Variants in NCAM1 observed in about 807,000 individuals in gnomAD.
The protein encoded by NCAM1 is neural cell adhesion molecule 1, also known as antigen recognized by monoclonal antibody 5.1H11.
NCAM1 carries 14 observed loss-of-function variants against 109.8 expected under a neutral mutation model. The ratio of observed to expected loss-of-function variants is 0.13; its 90% CI spans 0.08 to 0.20. NCAM1 has a LOEUF of 0.20. NCAM1 is among the 10% of genes least tolerant of loss of function. NCAM1 has a pLI of 1.00. For synonymous variants in NCAM1, 418 were observed against 442.9 expected (o/e 0.94, Z 0.70); for missense variants, 774 against 1,109.9 (o/e 0.70, Z 4.30).
intron 15 of NCAM1, among the ~76,000 whole-genome samples, chr11:113,252,797 A>G (rs1379836181): frequency 3.0e-5 from 2 of 67,462 alleles, no homozygotes; most frequent in Non-Finnish European, 3.3e-5. Context: ...CACTATGCCC[A>G]GCTTTTTTTT....
At chr11:113,174,071 A>G (rs1555106673) in intron 1 of NCAM1, among the ~76,000 whole-genome samples, 2 of 152,240 alleles carry the variant, frequency 1.3e-5, no homozygotes, top group Non-Finnish European at 2.9e-5. Context: ...TTAACTAGAC[A>G]ATAGATTTGT....
chr11:113,183,495 T>A (rs1196187468), intron 1 of NCAM1, among the ~76,000 whole-genome samples: 2 of 152,234 alleles, frequency 1.3e-5, no homozygotes, highest in East Asian at 3.8e-4. Context: ...TATTAGAACC[T>A]GCTGGGTATA....
chr11:112,962,441 T>C lies in NCAM1; in HGVS notation c.52+777T>C, dbSNP rs1446861516. On this transcript the variant is annotated intron_variant, in intron 1 of 19. Transcript: ENST00000316851. This position sits in a 1 kb window ranked among gnomAD's most constrained non-coding sequence, Gnocchi z 5.6. ...GGCGTGATTGGGGCTGCCTGGTGTG[T>C]GCGCGCGCGTGTGCGCGCGTGTGTC... Among the ~76,000 whole-genome samples the C allele has an allele frequency of 6.6e-6, 1 of 151,702 alleles. No homozygotes were observed. The highest frequency in any genetic ancestry group is 1.5e-5 in the Non-Finnish European group (1 of 67,884).
intron 1 of NCAM1, among the ~76,000 whole-genome samples, chr11:113,113,714 C>T (rs1555094243): frequency 6.6e-6 from 1 of 151,994 alleles, no homozygotes; most frequent in African/African-American, 2.4e-5. Flanking sequence ...TCCAAAGCTT[C>T]ATTAGCTAAA....
intron 1 of NCAM1, among the ~76,000 whole-genome samples, chr11:113,141,058 CTA>C (rs2136197408): frequency 6.6e-6 from 1 of 151,950 alleles, no homozygotes; most frequent in East Asian, 1.9e-4. Context: ...CTTCAATACA[CTA>C]TGTTTTTGTG....
intron 14 of NCAM1, chr11:113,246,040 A>C (rs1945490853): frequency 2.5e-6 from 1 of 397,148 alleles, no homozygotes; most frequent in Non-Finnish European, 4.5e-6. Flanking sequence ...ATTAATATGT[A>C]GTGTTGCAGC....
chr11:112,978,988 A>C lies in NCAM1; in HGVS notation c.52+17324A>C, dbSNP rs962249382. 3.5e-4 allele frequency among the ~76,000 whole-genome samples: 53 copies of C among 151,778 alleles called. 1 individual carries two copies. The highest frequency in any genetic ancestry group is 2.6e-4 in the Admixed American group (4 of 15,206). On this transcript the variant is annotated intron_variant, in intron 1 of 19. Coordinates refer to ENST00000316851, the MANE Select transcript of NCAM1 (RefSeq NM_181351.5). The stretch of plus-strand genomic sequence containing the variant: ...ACTACTTGTTATTATCCTCTTTACT[A>C]TTGTATGGGTTTGGTTGGATTTTGT...
At chr11:112,995,422 G>A (rs1555071272) in intron 1 of NCAM1, among the ~76,000 whole-genome samples, 1 of 152,162 alleles carries the variant, frequency 6.6e-6, no homozygotes, top group Non-Finnish European at 1.5e-5. Flanking sequence ...CCATTTTAAT[G>A]TAAGCTAAAC....
chr11:113,213,972 TG>T (rs1240073161), intron 7 of NCAM1, among the ~76,000 whole-genome samples: 3 of 152,206 alleles, frequency 2.0e-5, no homozygotes, highest in Non-Finnish European at 2.9e-5. Context: ...CATATGTTTT[TG>T]CTTCTTTGCT....
intron 1 of NCAM1, among the ~76,000 whole-genome samples, chr11:113,091,829 T>A (rs1939357781): frequency 6.6e-6 from 1 of 152,186 alleles, no homozygotes; most frequent in South Asian, 2.1e-4. Flanking sequence ...AATTCAAATG[T>A]AAGTTCTCTG....
chr11:113,015,212 C>T (rs1442035500), intron 1 of NCAM1, among the ~76,000 whole-genome samples: 2 of 152,136 alleles, frequency 1.3e-5, no homozygotes, highest in Non-Finnish European at 2.9e-5. Flanking sequence ...GCTTATGGCC[C>T]AGATTGTCTT....
intron 9 of NCAM1, 21 bp from the exon 10 acceptor site, chr11:113,231,624 C>T (rs1945009006): frequency 1.2e-6 from 2 of 1,608,254 alleles, no homozygotes; most frequent in Non-Finnish European, 1.7e-6. Flanking sequence ...GACATGCTCC[C>T]TTCCCCCCCA....
intron 1 of NCAM1, among the ~76,000 whole-genome samples, chr11:113,056,854 G>A (rs78583196): frequency 0.05 from 7,613 of 152,114 alleles, 577 homozygotes; most frequent in Admixed American, 0.16. Flanking sequence ...CCACTAAGTT[G>A]ATTGTAATAT....
chr11:113,055,994 TATATATATA>T (rs1953690306), intron 1 of NCAM1, among the ~76,000 whole-genome samples: 1 of 97,594 alleles, frequency 1.0e-5, no homozygotes, highest in African/African-American at 4.6e-5. Flanking sequence ...TATATATATA[TATATATATA>T]TATATATATA....
intron 19 of NCAM1, among the ~76,000 whole-genome samples, chr11:113,272,235 T>C (rs1946298453): frequency 6.6e-6 from 1 of 152,128 alleles, no homozygotes; most frequent in South Asian, 2.1e-4. Context: ...TAGGGTTTTG[T>C]GTTTTCCCCC....
At chr11:112,964,411 G>A (rs1230390712) in intron 1 of NCAM1, among the ~76,000 whole-genome samples, 1 of 152,110 alleles carries the variant, frequency 6.6e-6, no homozygotes, top group Non-Finnish European at 1.5e-5. Context: ...TCGCTTGAAC[G>A]ATCTGGAATG....
chr11:113,191,826 A>C (rs1249311396), intron 1 of NCAM1, among the ~76,000 whole-genome samples: 1 of 152,094 alleles, frequency 6.6e-6, no homozygotes, highest in Non-Finnish European at 1.5e-5. Flanking sequence ...CTTGATATAA[A>C]CCAAATTTAA....
chr11:113,125,260 G>A (rs1013536648), intron 1 of NCAM1, among the ~76,000 whole-genome samples: 3 of 152,144 alleles, frequency 2.0e-5, no homozygotes, highest in Non-Finnish European at 4.4e-5. Flanking sequence ...TTCCAGGCAA[G>A]GCGGTTTCCA....
chr11:113,128,219 C>T lies in NCAM1; in HGVS notation c.53-74160C>T, dbSNP rs79495900. 5.1e-3 allele frequency among the ~76,000 whole-genome samples: 774 copies of T among 152,278 alleles called. 3 individuals are homozygous for T. The highest frequency in any genetic ancestry group is 0.017 in the Middle Eastern group (5 of 294). ...GTAGCTCTTCACTGCTCGGGCCTTGCGTGCATCACAGAACGGTTTGGGAGC... is the reference window on the plus strand; with the variant it reads ...GTAGCTCTTCACTGCTCGGGCCTTGTGTGCATCACAGAACGGTTTGGGAGC... On this transcript the variant is annotated intron_variant, in intron 1 of 19. Transcript: ENST00000316851.
Sources: gnomAD v4.1 joint callset for allele counts (sites outside exome capture counted in the v4.1 genomes callset) on GRCh38, gnomAD v4.1.1 for gene constraint, Gnocchi (gnomAD v3.1) non-coding constraint, MANE v1.5 for transcripts, NCBI Gene and HGNC (gene_info 2026-07-23, HGNC 2026-07-21) for gene names.